KLHL22: variants seen among roughly 807,000 people sequenced by gnomAD.
The protein encoded by KLHL22 is kelch-like protein 22.
KLHL22 carries 18 observed loss-of-function variants against 60.7 expected under a neutral mutation model. The ratio of observed to expected loss-of-function variants is 0.30; its 90% confidence interval spans 0.20 to 0.44. The LOEUF is 0.44. Ranked by LOEUF, KLHL22 falls within the 20% of genes least tolerant of loss-of-function variation. The pLI is 1.00. For synonymous variants in KLHL22, 355 were observed against 354.5 expected (o/e 1.00, Z -0.01); for missense variants, 596 against 852.3 (o/e 0.70, Z 3.74).
intron 3 of KLHL22, among the ~76,000 whole-genome samples, chr22:20,470,318 C>T (rs1457883894): frequency 6.7e-6 from 1 of 149,756 alleles, no homozygotes; most frequent in Admixed American, 6.7e-5. Context: ...CATTGCATTA[C>T]AGCCTGGGTA....
At chr22:20,479,838 G>T (rs2053470968) in intron 2 of KLHL22, among the ~76,000 whole-genome samples, 1 of 152,196 alleles carries the variant, frequency 6.6e-6, no homozygotes, top group Non-Finnish European at 1.5e-5. Context: ...GAATGATCTA[G>T]CAATTCCACT....
intron 4 of KLHL22, among the ~76,000 whole-genome samples, chr22:20,462,363 A>AT (rs869296913): frequency 6.2e-4 from 94 of 151,736 alleles, no homozygotes; most frequent in African/African-American, 2.2e-3. Context: ...TATTTAAAAA[A>AT]TTTTTTTTAG....
At chr22:20,492,514 G>C (rs1240232888) in intron 1 of KLHL22, among the ~76,000 whole-genome samples, 1 of 152,056 alleles carries the variant, frequency 6.6e-6, no homozygotes, top group Non-Finnish European at 1.5e-5. Flanking sequence ...TCCCATATTG[G>C]TCAAGGTCTA....
intron 5 of KLHL22, chr22:20,451,279 G>A: frequency 6.2e-7 from 1 of 1,606,642 alleles, no homozygotes; most frequent in Non-Finnish European, 8.5e-7. Flanking sequence ...TGGAGGCTTT[G>A]ATGGAAGCAG....
chr22:20,471,168 CT>C (rs1339339198), intron 3 of KLHL22, among the ~76,000 whole-genome samples, 181 bp downstream of exon 3: 1 of 152,338 alleles, frequency 6.6e-6, no homozygotes, highest in African/African-American at 2.4e-5. Context: ...TCTAGAGCGG[CT>C]CTGCTTGAGC....
intron 2 of KLHL22, chr22:20,484,150 G>A (rs987508993): frequency 3.2e-6 from 2 of 627,306 alleles, no homozygotes; most frequent in Non-Finnish European, 6.0e-6. Flanking sequence ...AGGCTTTGCT[G>A]ATGACCTAAT....
rs1461309809 is a variant in KLHL22, at chr22:20,449,412, TG to T, written c.1306-2737del. On this transcript the variant is annotated intron_variant, in intron 5 of 6. Coordinates refer to ENST00000328879, the MANE Select transcript of KLHL22 (RefSeq NM_032775.4). ...TTTGCAGTATTTTGCCAAGGTTTTTTGTTTTTGAGATGGAGTCTCACTCTGT... is the reference window on the plus strand; with the variant it reads ...TTTGCAGTATTTTGCCAAGGTTTTTTTTTTTGAGATGGAGTCTCACTCTGT... Among the ~76,000 whole-genome samples, 5 of 151,398 alleles carry T rather than the reference TG, an allele frequency of 3.3e-5. No individual in the cohort carries two copies. In the East Asian group the frequency reaches 9.8e-4, roughly 30 times the overall value.
chr22:20,451,424 G>C (rs938341342), intron 5 of KLHL22: 2 of 1,607,938 alleles, frequency 1.2e-6, no homozygotes, highest in East Asian at 4.5e-5. Context: ...GGATATGACG[G>C]CTTGAATATC....
chr22:20,443,536 C>G lies in KLHL22; in HGVS notation c.1540-1098G>C, dbSNP rs557755127. Among the ~76,000 whole-genome samples the G allele has an allele frequency of 1.3e-4, 19 of 151,108 alleles. 1 individual carries two copies. The South Asian group carries it at 2.1e-3, about 17-fold the overall frequency. On this transcript the variant is annotated intron_variant, in intron 6 of 6. Transcript: ENST00000328879. ...CGGGCTGATCACAAGGTCAAGAGAT[C>G]AAGACCATCCTGGCCAACATGGTGA...
chr22:20,450,652 G>A, intron 5 of KLHL22: 1 of 1,573,400 alleles, frequency 6.4e-7, no homozygotes, highest in East Asian at 2.2e-5. Flanking sequence ...GCAAGGAGAG[G>A]TGGAAAAGCT....
Position 20,480,132 on chromosome 22 carries a change from AG to A in KLHL22, c.228-8618del, listed in dbSNP as rs1196215030. Among the ~76,000 whole-genome samples the A allele has an allele frequency of 2.6e-5, 4 of 152,334 alleles. No individual in the cohort carries two copies. In the East Asian group the frequency reaches 7.7e-4, roughly 29 times the overall value. Reference sequence around the variant, plus strand: ...CTAATGCTGTATGATTCTACTTATGAGGTACTTAGAATAGTTTAATTCATAG... The same window carrying A: ...CTAATGCTGTATGATTCTACTTATGAGTACTTAGAATAGTTTAATTCATAG... On this transcript the variant is annotated intron_variant, in intron 2 of 6. Transcript: ENST00000328879.
rs1273833949 is a variant in KLHL22 at position 20,446,664 on chromosome 22, C to T, written c.1318G>A (p.Ala440Thr). The change falls in exon 6 of 7, where the codon GCA becomes ACA. Residue 440 changes from alanine (A) to threonine (T), a missense_variant. Coordinates refer to ENST00000328879, the MANE Select transcript of KLHL22 (RefSeq NM_032775.4). ...APLKREVYAH[A>T]GATLEGKMYI... ...ATCTTCCCCTCCAGCGTCGCGCCTG[C>T]GTGGGCATACACCTGTGTGGAGCCA... The T allele has an allele frequency of 1.9e-6, 3 of 1,609,764 alleles. No homozygotes were observed. Among genetic ancestry groups the T allele is most frequent in the African/African-American group, 1.3e-5 (1 of 74,936 alleles).
At chr22:20,483,264 C>T in intron 2 of KLHL22, 1 of 699,194 alleles carries the variant, frequency 1.4e-6, no homozygotes, top group South Asian at 1.4e-5. Context: ...GCATGGTGAC[C>T]ACTGTGGTGC....
chr22:20,493,234 G>A (rs1429598310), intron 1 of KLHL22: 2 of 470,910 alleles, frequency 4.2e-6, no homozygotes, highest in East Asian at 6.9e-5. Flanking sequence ...AAACAAGTAC[G>A]GTAAAACAGA....
chr22:20,441,987 G>A lies in KLHL22; in HGVS notation c.*86C>T, dbSNP rs753654521. 911 of 1,363,190 alleles carry A rather than the reference G, an allele frequency of 6.7e-4. No homozygotes were observed. The highest frequency in any genetic ancestry group is 8.5e-4 in the Non-Finnish European group (875 of 1,027,364). The allele number at this position is 1,363,190 out of a possible 1,614,324, so 84.4% of individuals were successfully genotyped here. A position where few individuals can be genotyped will look rare whatever the true frequency, so the allele number is the denominator to read the frequency against. On this transcript the variant is annotated 3_prime_UTR_variant, in exon 7 of 7. Coordinates refer to ENST00000328879, the MANE Select transcript of KLHL22 (RefSeq NM_032775.4). ...CCAACAGGGGCAGGGGCCCTGCCTG[G>A]AGTAAAGTGCTCTGGCCTAGGCTGC...
chr22:20,446,267 G>A (rs1210106898), intron 6 of KLHL22, among the ~76,000 whole-genome samples, 176 bp downstream of exon 6: 1 of 152,148 alleles, frequency 6.6e-6, no homozygotes, highest in Non-Finnish European at 1.5e-5. Context: ...ATGTGTATGG[G>A]GGGAAAAGGG....
intron 5 of KLHL22, chr22:20,450,046 T>G: frequency 3.0e-6 from 2 of 669,114 alleles, no homozygotes; most frequent in Non-Finnish European, 5.6e-6. Flanking sequence ...GGACAGGCCC[T>G]GGCGCGGCTG....
chr22:20,489,962 G>A (rs922103991), intron 1 of KLHL22: 5 of 363,650 alleles, frequency 1.4e-5, no homozygotes, highest in East Asian at 7.7e-5. Flanking sequence ...GAGTCAGTAC[G>A]TTCAAAAACC....
In KLHL22 at chr22:20,442,309, C is replaced by T. The variant is rs763908252; in HGVS notation, c.1669G>A (p.Gly557Ser). ...YVLGGRSHNR[G>S]SRTGYVHIYD... The stretch of plus-strand genomic sequence containing the variant: ...ATGTGCACGTAGCCTGTGCGGCTGC[C>T]GCGGTTGTGTGAGCGGCCACCTAAC... The change falls in exon 7 of 7, where the codon GGC becomes AGC. Residue 557 changes from glycine to serine, a missense_variant. By Grantham distance (56) the Gly-to-Ser change is moderately conservative. Coordinates refer to ENST00000328879, the MANE Select transcript of KLHL22 (RefSeq NM_032775.4). The T allele has an allele frequency of 3.7e-6, 6 of 1,613,982 alleles. No homozygotes were observed. The highest frequency in any genetic ancestry group is 1.7e-5 in the Admixed American group (1 of 60,008).
Sources: allele counts gnomAD v4.1 joint callset (sites outside exome capture counted in the v4.1 genomes callset), GRCh38; gene constraint gnomAD v4.1.1; transcripts MANE v1.5; gene names NCBI Gene and HGNC (gene_info 2026-07-23, HGNC 2026-07-21).